Variants in ATP5PD observed in about 807,000 individuals in gnomAD.
ATP5PD encodes ATP synthase peripheral stalk subunit d, mitochondrial.
A neutral mutation model predicts 22.6 loss-of-function variants in ATP5PD; 13 were observed. The observed-to-expected ratio is 0.58, with a 90% CI of 0.37 to 0.91. The LOEUF (loss-of-function observed/expected upper bound fraction) is 0.91. Ranked by LOEUF, ATP5PD falls within the 40% of genes least tolerant of loss-of-function variation. The pLI is 0.00. For synonymous variants in ATP5PD, 51 were observed against 65.0 expected, an observed-to-expected ratio of 0.79 and a Z score of 1.03; for missense variants, 165 against 188.0, an observed-to-expected ratio of 0.88 and a Z score of 0.72.
At chr17:75,046,463 ATCTT>A (rs897588537) in intron 1 of ATP5PD, among the ~76,000 whole-genome samples, 11 of 152,156 alleles carry the variant, frequency 7.2e-5, no homozygotes, top group African/African-American at 1.2e-4. Context: ...TGCTCAATGA[ATCTT>A]TCTTGAATGA....
At chr17:75,043,178 A>G (rs758154364) in intron 1 of ATP5PD, among the ~76,000 whole-genome samples, 1 of 152,220 alleles carries the variant, frequency 6.6e-6, no homozygotes, top group Non-Finnish European at 1.5e-5. Flanking sequence ...CTGAGATGGC[A>G]TCAGTGCACC....
intron 3 of ATP5PD, chr17:75,041,056 G>A (rs1158873081): frequency 6.6e-6 from 1 of 151,756 alleles, no homozygotes; most frequent in African/African-American, 2.4e-5. Context: ...ACAGCTATAA[G>A]GGACAGTTAA....
At chr17:75,042,082 G>C (rs1383527745) in intron 3 of ATP5PD, 99 bp downstream of exon 3, 6 of 1,055,052 alleles carry the variant, frequency 5.7e-6, no homozygotes, top group Non-Finnish European at 8.3e-6. Context: ...AGCTTCCTTA[G>C]GGATCTGGCT....
intron 1 of ATP5PD, among the ~76,000 whole-genome samples, chr17:75,044,218 A>T (rs2144916231): frequency 1.5e-5 from 1 of 68,858 alleles, no homozygotes; most frequent in East Asian, 9.6e-4. Context: ...TTTTTTTTTG[A>T]GACGGAGTCT....
At chr17:75,040,355 C>T (rs963186043) in intron 3 of ATP5PD, 192 bp from the exon 4 acceptor site, 17 of 631,808 alleles carry the variant, frequency 2.7e-5, no homozygotes, top group Non-Finnish European at 5.6e-6. Context: ...GAATATTAGA[C>T]TGGGAACAGG....
intron 3 of ATP5PD, chr17:75,040,561 G>C (rs2073148834): frequency 4.6e-6 from 1 of 219,220 alleles, no homozygotes; most frequent in African/African-American, 2.3e-5. Context: ...GGTGGAAGGA[G>C]CACTGCGTAA....
chr17:75,046,084 T>C (rs2073212743), intron 1 of ATP5PD, among the ~76,000 whole-genome samples: 1 of 151,722 alleles, frequency 6.6e-6, no homozygotes, highest in Non-Finnish European at 1.5e-5. Flanking sequence ...CAAATAACTT[T>C]GTGTGTGTGT....
intron 3 of ATP5PD, chr17:75,040,796 G>A (rs903655924): frequency 6.6e-6 from 1 of 151,598 alleles, no homozygotes; most frequent in Non-Finnish European, 1.5e-5. Flanking sequence ...TGAGGCAAGA[G>A]AACTGCTTGA....
chr17:75,040,502 G>A, intron 3 of ATP5PD: 1 of 306,578 alleles, frequency 3.3e-6, no homozygotes. Flanking sequence ...ACCTTGAATT[G>A]TAAAGAAATT....
At chr17:75,041,913 G>A in intron 3 of ATP5PD, 1 of 320,652 alleles carries the variant, frequency 3.1e-6, no homozygotes, top group Admixed American at 4.9e-5. Flanking sequence ...ACCGGCCCAG[G>A]TCAGAAACAG....
At chr17:75,046,674 GCTTGTGGCAGCGC>G (rs1425881862) in intron 1 of ATP5PD, among the ~76,000 whole-genome samples, 3 of 152,256 alleles carry the variant, frequency 2.0e-5, no homozygotes, top group Non-Finnish European at 2.9e-5. Context: ...ACGAGACACG[GCTTGTGGCAGCGC>G]CTACATCAGC....
At chr17:75,043,611 C>CAA (rs533075854) in intron 1 of ATP5PD, among the ~76,000 whole-genome samples, 5,400 of 80,458 alleles carry the variant, frequency 0.067, 175 homozygotes, top group South Asian at 0.2. Flanking sequence ...GACTCTGTCT[C>CAA]AAAAAAAAAA....
intron 1 of ATP5PD, among the ~76,000 whole-genome samples, chr17:75,046,016 C>T (rs2073211800): frequency 6.6e-6 from 1 of 152,226 alleles, no homozygotes; most frequent in Non-Finnish European, 1.5e-5. Context: ...ATGGTTTCAG[C>T]CGGTCTCTCT....
At chr17:75,045,383 C>G (rs1598692254) in intron 1 of ATP5PD, among the ~76,000 whole-genome samples, 1 of 152,150 alleles carries the variant, frequency 6.6e-6, no homozygotes, top group Admixed American at 6.5e-5. Context: ...TTCAGATCAA[C>G]CGGTCTGACC....
intron 3 of ATP5PD, 79 bp from the exon 4 acceptor site, chr17:75,040,242 A>C: frequency 1.3e-6 from 2 of 1,530,986 alleles, no homozygotes; most frequent in Non-Finnish European, 1.8e-6. Flanking sequence ...CAATACACCC[A>C]GGAGCTCAAA....
chr17:75,046,350 G>A (rs1278353437), intron 1 of ATP5PD, among the ~76,000 whole-genome samples: 1 of 152,168 alleles, frequency 6.6e-6, no homozygotes, highest in African/African-American at 2.4e-5. Flanking sequence ...CTAAAATTCT[G>A]GGATTACAGG....
At position 75,040,181 on chromosome 17, in the gene ATP5PD, C is replaced by T. The variant is rs369483244; in HGVS notation, c.220-18G>A. The T allele has an allele frequency of 6.0e-5, 96 of 1,611,234 alleles. 1 individual carries two copies. The African/African-American group carries it at 9.8e-4, about 16-fold the overall frequency. On this transcript the variant is annotated intron_variant, in intron 3 of 5. Coordinates refer to ENST00000301587, the MANE Select transcript of ATP5PD (RefSeq NM_006356.3). ...GCATTAAACTACAAACACAAGGGCA[C>T]GGGAACCTTCAGCGCATTAAACTAC...
At chr17:75,044,396 G>A (rs570544122) in intron 1 of ATP5PD, among the ~76,000 whole-genome samples, 5 of 112,756 alleles carry the variant, frequency 4.4e-5, no homozygotes, top group African/African-American at 1.4e-4. Context: ...TAGTAGAGAC[G>A]GGGTTTCACC....
intron 1 of ATP5PD, among the ~76,000 whole-genome samples, chr17:75,043,805 C>T (rs537212376): frequency 1.3e-5 from 2 of 152,276 alleles, no homozygotes; most frequent in East Asian, 1.9e-4. Flanking sequence ...AAATAGAGCA[C>T]TCTCTAGGCT....
Sources: allele counts gnomAD v4.1 joint callset (sites outside exome capture counted in the v4.1 genomes callset), GRCh38; gene constraint gnomAD v4.1.1; transcripts MANE v1.5; gene names NCBI Gene and HGNC (gene_info 2026-07-23, HGNC 2026-07-21).